The following EGFR variants were observed in gnomAD, a reference collection of about 807,000 sequenced individuals.
EGFR encodes epidermal growth factor receptor.
EGFR carries 58 observed loss-of-function variants against 143.0 expected under a neutral mutation model. The observed-to-expected ratio is 0.41, with a 90% CI of 0.33 to 0.50. EGFR has a LOEUF of 0.50. Ranked by LOEUF, EGFR falls within the 20% of genes least tolerant of loss-of-function variation. EGFR has a pLI of 0.39. For synonymous variants in EGFR, 613 were observed against 594.4 expected (o/e 1.03, Z -0.45); for missense variants, 1,307 against 1,579.0 (o/e 0.83, Z 2.92).
intron 1 of EGFR, among the ~76,000 whole-genome samples, chr7:55,075,434 A>G (rs1790080999): frequency 6.6e-6 from 1 of 152,190 alleles, no homozygotes; most frequent in South Asian, 2.1e-4. Context: ...TTCAGAATAT[A>G]TTCACTGGGG....
chr7:55,147,732 T>C (rs1794842785), intron 4 of EGFR, among the ~76,000 whole-genome samples: 1 of 152,232 alleles, frequency 6.6e-6, no homozygotes, highest in Admixed American at 6.5e-5. Flanking sequence ...AGAACTCTTT[T>C]ATCTTGCAAA....
chr7:55,075,462 C>G (rs549773976), intron 1 of EGFR, among the ~76,000 whole-genome samples: 1 of 152,324 alleles, frequency 6.6e-6, no homozygotes, highest in Admixed American at 6.5e-5. Flanking sequence ...TTAGCAACCA[C>G]TACCACAACA....
intron 21 of EGFR, among the ~76,000 whole-genome samples, chr7:55,192,256 C>T (rs1333329100): frequency 2.0e-5 from 3 of 152,294 alleles, no homozygotes; most frequent in South Asian, 2.1e-4. Context: ...CATGCGGACC[C>T]GAGCTCCCAG....
At chr7:55,115,269 A>T (rs1792765678) in intron 1 of EGFR, among the ~76,000 whole-genome samples, 1 of 152,230 alleles carries the variant, frequency 6.6e-6, no homozygotes, top group African/African-American at 2.4e-5. Context: ...AGGCACTCAC[A>T]TAGTTTATAG....
intron 1 of EGFR, among the ~76,000 whole-genome samples, chr7:55,117,681 A>G (rs1455826715): frequency 6.6e-6 from 1 of 152,182 alleles, no homozygotes; most frequent in Non-Finnish European, 1.5e-5. Flanking sequence ...CTTCTGCGCC[A>G]TAGACCCTGT....
At chr7:55,042,759 G>A (rs17172425) in intron 1 of EGFR, among the ~76,000 whole-genome samples, 7,377 of 152,062 alleles carry the variant, frequency 0.049, 304 homozygotes, top group South Asian at 0.16. Context: ...CAAACTTTGC[G>A]GTCCCACGTG....
chr7:55,034,793 G>A (rs984185837), intron 1 of EGFR, among the ~76,000 whole-genome samples: 10 of 152,178 alleles, frequency 6.6e-5, no homozygotes, highest in African/African-American at 2.2e-4. Flanking sequence ...TTTTAAATCT[G>A]TGAGTAAAAA....
chr7:55,201,377 C>G (rs1010833490), intron 25 of EGFR, 22 bp downstream of exon 25: 6 of 1,613,974 alleles, frequency 3.7e-6, no homozygotes, highest in South Asian at 3.3e-5. Context: ...CTGTCTCTCT[C>G]TCTCTCTCAA....
chr7:55,165,378 C>T lies in EGFR; in HGVS notation c.1821C>T (p.Val607=), dbSNP rs377048120. 3.3e-5 allele frequency: 53 copies of T among 1,614,070 alleles called. 1 individual carries two copies. The Middle Eastern group carries it at 1.5e-3, about 45-fold the overall frequency. Residue 607 remains valine (V), a synonymous_variant, in exon 15 of 28, where the codon GTC becomes GTT. Transcript: ENST00000275493. ...TCATGGGAGAAAACAACACCCTGGT[C>T]TGGAAGTACGCAGACGCCGGCCATG... ...AGVMGENNTL[V]WKYADAGHVC... is the part of the protein sequence containing the mutation.
intron 1 of EGFR, among the ~76,000 whole-genome samples, chr7:55,047,611 C>T (rs544661585): frequency 6.8e-4 from 103 of 152,286 alleles, no homozygotes; most frequent in Non-Finnish European, 1.1e-3. Context: ...GTTAGCCAGG[C>T]TTGGTGGCGC....
intron 1 of EGFR, among the ~76,000 whole-genome samples, chr7:55,095,222 T>C (rs1014757596): frequency 2.0e-5 from 3 of 152,196 alleles, no homozygotes; most frequent in African/African-American, 7.2e-5. Context: ...CCCTCTTCTC[T>C]GCTGTCCGAC....
chr7:55,124,751 G>T (rs186565690), intron 1 of EGFR, among the ~76,000 whole-genome samples: 2 of 152,266 alleles, frequency 1.3e-5, no homozygotes, highest in African/African-American at 4.8e-5. Flanking sequence ...CACATGCCTT[G>T]CTCCACACCA....
At position 55,170,392 on chromosome 7, in the gene EGFR, C is replaced by T. The variant is rs764631638; in HGVS notation, c.1881-783C>T. 5 of 1,614,076 alleles carry T rather than the reference C, an allele frequency of 3.1e-6. No individual in the cohort carries two copies. The African/African-American group carries it at 6.7e-5, about 22-fold the overall frequency. The stretch of plus-strand genomic sequence containing the variant: ...TCAAAGTAATGATGGCAGCGTGTCC[C>T]ACCAGAGCGGGAGCCCAGCTGCTCA... On this transcript the variant is annotated intron_variant, in intron 15 of 27. Transcript: ENST00000275493.
intron 20 of EGFR, among the ~76,000 whole-genome samples, chr7:55,185,534 G>A (rs1027213462): frequency 6.6e-6 from 1 of 152,222 alleles, no homozygotes; most frequent in South Asian, 2.1e-4. Flanking sequence ...AGCCTCCCAT[G>A]CCCAGGACTG....
At chr7:55,108,721 GT>G (rs1792285333) in intron 1 of EGFR, among the ~76,000 whole-genome samples, 1 of 152,158 alleles carries the variant, frequency 6.6e-6, no homozygotes, top group African/African-American at 2.4e-5. Flanking sequence ...GATTTAATCT[GT>G]AGGACTCCAT....
chr7:55,058,271 G>A (rs896276388), intron 1 of EGFR, among the ~76,000 whole-genome samples: 1 of 152,190 alleles, frequency 6.6e-6, no homozygotes, highest in Non-Finnish European at 1.5e-5. Context: ...GCAGGCACCT[G>A]TAATCCCAGC....
At chr7:55,102,085 T>C (rs868476582) in intron 1 of EGFR, among the ~76,000 whole-genome samples, 1 of 152,126 alleles carries the variant, frequency 6.6e-6, no homozygotes, top group Non-Finnish European at 1.5e-5. Context: ...TGAAAACCTC[T>C]CTGAACGTGT....
At chr7:55,098,573 T>C (rs568835171) in intron 1 of EGFR, among the ~76,000 whole-genome samples, 57 of 152,386 alleles carry the variant, frequency 3.7e-4, no homozygotes, top group African/African-American at 1.3e-3. Context: ...GTTTACTACG[T>C]ATGCATAAAA....
At chr7:55,172,109 C>A (rs1482767283) in intron 16 of EGFR, among the ~76,000 whole-genome samples, 1 of 152,204 alleles carries the variant, frequency 6.6e-6, no homozygotes, top group Non-Finnish European at 1.5e-5. Flanking sequence ...ACACTGCAAT[C>A]TCAGGGATCT....
Sources: allele counts gnomAD v4.1 joint callset (sites outside exome capture counted in the v4.1 genomes callset), GRCh38; gene constraint gnomAD v4.1.1; transcripts MANE v1.5; gene names NCBI Gene and HGNC (gene_info 2026-07-23, HGNC 2026-07-21).